The following PIGT variants were observed in gnomAD, a reference collection of about 807,000 sequenced individuals.
The protein encoded by PIGT is phosphatidylinositol glycan anchor biosynthesis class T, also known as GPI-anchor transamidase component PIGT.
In PIGT, 57 loss-of-function variants were observed where a neutral mutation model predicts 66.7. The observed-to-expected ratio is 0.86, with a 90% CI of 0.69 to 1.07. The LOEUF (loss-of-function observed/expected upper bound fraction) is 1.07. Among genes scored for constraint, PIGT ranks in the 50% least tolerant of loss-of-function variants. The pLI is 0.00. For missense variants in PIGT, 725 were observed against 740.4 expected (o/e 0.98, Z 0.24); for synonymous variants, 362 against 320.5 (o/e 1.13, Z -1.38).
chr20:45,416,783 C>T, intron 2 of PIGT, 89 bp downstream of exon 2: 1 of 1,224,612 alleles, frequency 8.2e-7, no homozygotes, highest in South Asian at 1.6e-5. Flanking sequence ...TTGGGGACAG[C>T]ACTTCCAGTA....
rs1171510818 is a variant in PIGT, at chr20:45,424,483, T to A, written c.1401-13T>A. On this transcript the variant is annotated splice_polypyrimidine_tract_variant and intron_variant, in intron 10 of 11. Transcript: ENST00000279036. ...CAGATGGGAACACGGGCCATCTCTC[T>A]GCTTCTCTGTAGCCCATCTGTCCTC... 6.2e-7 allele frequency: 1 copy of A among 1,614,122 alleles called. No homozygotes were observed. Among genetic ancestry groups the A allele is most frequent in the Admixed American group, 1.7e-5 (1 of 60,034 alleles).
At chr20:45,421,764 T>G in intron 9 of PIGT, 181 bp downstream of exon 9, 1 of 606,044 alleles carries the variant, frequency 1.7e-6, no homozygotes, top group Non-Finnish European at 3.0e-6. Context: ...GGTTCAGAAG[T>G]AATTTATAAA....
In PIGT at chr20:45,425,856, CG is replaced by C; in HGVS notation, c.*31del. 1 of 1,603,718 alleles carries C rather than the reference CG, an allele frequency of 6.2e-7. No individual in the cohort carries two copies. Among genetic ancestry groups the C allele is most frequent in the Non-Finnish European group, 8.5e-7 (1 of 1,173,892 alleles). ...TGCCCTTTCCAGCAGCTGCAGCTGC[CG>C]TTTCTCTCTGGGGAGGGGAGCCCAA... On this transcript the variant is annotated 3_prime_UTR_variant, in exon 12 of 12. Transcript: ENST00000279036.
In PIGT at chr20:45,419,292, C is replaced by T. The variant is rs763643065; in HGVS notation, c.494-3C>T. On this transcript the variant is annotated splice_region_variant and splice_polypyrimidine_tract_variant and intron_variant, in intron 3 of 11. Transcript: ENST00000279036. ...ACCCCAGACAGACCTCTGTCTCCCT[C>T]AGACACTGACCACTACTTTCTGCGC... The T allele has an allele frequency of 2.5e-6, 4 of 1,612,860 alleles. No homozygotes were observed. Among genetic ancestry groups the T allele is most frequent in the Non-Finnish European group, 2.5e-6 (3 of 1,179,032 alleles).
intron 2 of PIGT, chr20:45,418,027 T>C (rs1033017092): frequency 6.6e-6 from 1 of 152,256 alleles, no homozygotes; most frequent in African/African-American, 2.4e-5. Context: ...TAGAATTCTT[T>C]CTAGTGCTTA....
chr20:45,421,130 A>G, intron 8 of PIGT: 1 of 559,426 alleles, frequency 1.8e-6, no homozygotes, highest in Non-Finnish European at 3.2e-6. Context: ...ATATCCTGAG[A>G]GGACCTGGAT....
In PIGT at chr20:45,416,685, C is replaced by G. The variant is rs376863939; in HGVS notation, c.356C>G (p.Thr119Ser). The G allele has an allele frequency of 1.2e-6, 2 of 1,612,792 alleles. No individual in the cohort carries two copies. The highest frequency in any genetic ancestry group is 1.1e-5 in the South Asian group (1 of 90,966). ...GAGCTGTGGGTCTGGTTCCAAGACA[C>G]TGTCACTGAGTGAGTGCACACCTTG... ...GAELWVWFQD[T>S]VTDVDKSWKE... is the part of the protein sequence containing the mutation. The change falls in exon 2 of 12, where the codon ACT (threonine) becomes AGT (serine). Residue 119 changes from threonine (T) to serine (S), a missense_variant. Physicochemically the swap from Thr to Ser is moderately conservative, Grantham distance 58. Around this residue, in one of 3 missense-constraint regions of PIGT, gnomAD observed 559 missense variants for 552.7 expected, o/e 1.01. Coordinates refer to ENST00000279036, the MANE Select transcript of PIGT (RefSeq NM_015937.6).
At position 45,425,954 on chromosome 20, in the gene PIGT, T is replaced by A; in HGVS notation, c.*128T>A. 9.8e-7 allele frequency: 1 copy of A among 1,017,556 alleles called. No homozygotes were observed. Among genetic ancestry groups the A allele is most frequent in the Non-Finnish European group, 1.4e-6 (1 of 712,438 alleles). 63.0% of individuals were successfully genotyped at this position (1,017,556 alleles called of 1,614,324 possible). On this transcript the variant is annotated 3_prime_UTR_variant, in exon 12 of 12. Coordinates refer to ENST00000279036, the MANE Select transcript of PIGT (RefSeq NM_015937.6). ...AAGTGCCCTGGACCAGGTCAGGGCC[T>A]ACAGCTGTGTTGTCCAGTACAGGAG...
At position 45,421,423 on chromosome 20, in the gene PIGT, G is replaced by T; in HGVS notation, c.1074G>T (p.Val358=). 6.2e-7 allele frequency: 1 copy of T among 1,614,162 alleles called. No individual in the cohort carries two copies. The highest frequency in any genetic ancestry group is 8.5e-7 in the Non-Finnish European group (1 of 1,180,016). Residue 358 remains valine (V), a synonymous_variant, in exon 9 of 12, where the codon GTG becomes GTT. Transcript: ENST00000279036. ...CCTTCCTGCATGCCCAGCGGTACGT[G>T]AGTGGCTATGGGCTGCAGAAGGGGG... ...PVPFLHAQRY[V]SGYGLQKGEL...
At chr20:45,424,139 A>G (rs573745403) in intron 9 of PIGT, 77 bp from the exon 10 acceptor site, 6 of 1,402,564 alleles carry the variant, frequency 4.3e-6, no homozygotes, top group Admixed American at 3.4e-5. Context: ...TTGAGGCTCC[A>G]TGGCAAGCAG....
Position 45,418,933 on chromosome 20 carries a change from C to G in PIGT, c.447C>G (p.Asn149Lys), listed in dbSNP as rs1164714684. Residue 149 changes from asparagine (N) to lysine (K), a missense_variant, in exon 3 of 12, where the codon AAC becomes AAG. Asn to Lys is a moderately conservative substitution (Grantham distance 94). Around this residue, in one of 3 missense-constraint regions of PIGT, gnomAD observed 559 missense variants for 552.7 expected, o/e 1.01. Coordinates refer to ENST00000279036, the MANE Select transcript of PIGT (RefSeq NM_015937.6). Reference protein sequence around the residue: ...CASLNFIDSTNTVTPTASFKP... With the variant: ...CASLNFIDSTKTVTPTASFKP... ...CTCTCAACTTCATCGACTCCACCAA[C>G]ACAGTCACTCCCACTGCCTCCTTCA... 7 of 1,614,144 alleles carry G rather than the reference C, an allele frequency of 4.3e-6. No individual in the cohort carries two copies. Among genetic ancestry groups the G allele is most frequent in the East Asian group, 4.5e-5 (2 of 44,880 alleles).
At chr20:45,416,377 C>T in intron 1 of PIGT, 34 bp downstream of exon 1, 2 of 1,556,888 alleles carry the variant, frequency 1.3e-6, no homozygotes, top group Non-Finnish European at 1.7e-6. Context: ...GGAAAGATTT[C>T]CGTAGTGCCT....
intron 6 of PIGT, 30 bp downstream of exon 6, chr20:45,420,253 C>CA (rs1423978890): frequency 6.3e-7 from 1 of 1,597,488 alleles, no homozygotes; most frequent in African/African-American, 1.3e-5. Flanking sequence ...CATCTGTACC[C>CA]ACCCATGCCA....
chr20:45,416,627 G>A lies in PIGT; in HGVS notation c.298G>A (p.Gly100Arg). Reference protein sequence around the residue: ...TQGFWRTRYWGPPFLQAPSGA... With the variant: ...TQGFWRTRYWRPPFLQAPSGA... ...AGGCTTTTGGAGGACCCGATACTGG[G>A]GGCCACCCTTCCTGCAGGCCCCATC... The change falls in exon 2 of 12, where the codon GGG becomes AGG. Residue 100 changes from glycine to arginine, a missense_variant. This residue lies in a region of PIGT where 559 missense variants were observed against 552.7 expected (regional missense o/e 1.01). Coordinates refer to ENST00000279036, the MANE Select transcript of PIGT (RefSeq NM_015937.6). 6.2e-7 allele frequency: 1 copy of A among 1,614,186 alleles called. No homozygotes were observed. The highest frequency in any genetic ancestry group is 1.1e-5 in the South Asian group (1 of 91,082).
chr20:45,416,677 C>T lies in PIGT; in HGVS notation c.348C>T (p.Phe116=), dbSNP rs142960172. 6.2e-7 allele frequency: 1 copy of T among 1,613,126 alleles called. No homozygotes were observed. Among genetic ancestry groups the T allele is most frequent in the African/African-American group, 1.3e-5 (1 of 74,910 alleles). ...APSGAELWVW[F]QDTVTDVDKS... ...CAGGTGCAGAGCTGTGGGTCTGGTT[C>T]CAAGACACTGTCACTGAGTGAGTGC... The change falls in exon 2 of 12, where the codon TTC becomes TTT. Residue 116 remains phenylalanine (F), a synonymous_variant. Coordinates refer to ENST00000279036, the MANE Select transcript of PIGT (RefSeq NM_015937.6).
At chr20:45,425,113 T>A (rs1990623879) in intron 11 of PIGT, 1 of 153,846 alleles carries the variant, frequency 6.5e-6, no homozygotes. Flanking sequence ...CGTCTCTCTT[T>A]CTTTCCTTTC....
intron 3 of PIGT, 141 bp downstream of exon 3, chr20:45,419,120 A>G (rs1990175475): frequency 8.6e-7 from 1 of 1,160,948 alleles, no homozygotes; most frequent in African/African-American, 1.5e-5. Context: ...ATACTGTGCC[A>G]TCTCTGCATG....
Position 45,416,259 on chromosome 20 carries a change from G to A in PIGT, c.103G>A (p.Val35Ile). 1.3e-6 allele frequency: 2 copies of A among 1,596,064 alleles called. No individual in the cohort carries two copies. Among genetic ancestry groups the A allele is most frequent in the Non-Finnish European group, 1.7e-6 (2 of 1,171,732 alleles). Residue 35 changes from valine to isoleucine, a missense_variant, in exon 1 of 12, where the codon GTC becomes ATC. Val to Ile is a conservative substitution (Grantham distance 29). Transcript: ENST00000279036. ...PPRDSLREEL[V>I]ITPLPSGDVA... Reference sequence around the variant, plus strand: ...ACGCGACAGCCTGCGGGAGGAACTTGTCATCACCCCGCTGCCTTCCGGGGA... The same window carrying A: ...ACGCGACAGCCTGCGGGAGGAACTTATCATCACCCCGCTGCCTTCCGGGGA...
rs1220857711 is a variant in PIGT, at chr20:45,421,059, G to A, written c.1034-324G>A. On this transcript the variant is annotated intron_variant, in intron 8 of 11. Coordinates refer to ENST00000279036, the MANE Select transcript of PIGT (RefSeq NM_015937.6). ...CAAGAAATATAAGTCTACTAGCTAG[G>A]GCAGGTGTCAGTTAATTAATTACAG... is the stretch of plus-strand genomic sequence containing the variant. 6 of 509,978 alleles carry A rather than the reference G, an allele frequency of 1.2e-5. No individual in the cohort carries two copies. The East Asian group carries it at 1.4e-4, about 12-fold the overall frequency. The allele number at this position is 509,978 out of a possible 1,614,324, so 31.6% of individuals were successfully genotyped here.
Sources: gnomAD v4.1 joint callset for allele counts on GRCh38, gnomAD v4.1.1 for gene constraint, gnomAD v4.1.1 regional missense constraint, MANE v1.5 for transcripts, NCBI Gene and HGNC (gene_info 2026-07-23, HGNC 2026-07-21) for gene names.